CCDC154: variants seen among roughly 807,000 people sequenced by gnomAD.
CCDC154 encodes coiled-coil domain-containing protein 154.
A neutral mutation model predicts 87.5 loss-of-function variants in CCDC154; 91 were observed. That is an observed-to-expected ratio of 1.04 (90% confidence interval 0.88 to 1.24). The LOEUF (loss-of-function observed/expected upper bound fraction) is 1.24, where lower values mean the gene tolerates loss of function less well. CCDC154 is among the 50% of genes most tolerant of loss of function. The pLI is 0.00. For synonymous variants in CCDC154, 418 were observed against 400.4 expected (o/e 1.04, Z -0.52); for missense variants, 903 against 879.2 (o/e 1.03, Z -0.34).
intron 6 of CCDC154, 60 bp downstream of exon 6, chr16:1,442,346 G>T: frequency 6.7e-7 from 1 of 1,495,472 alleles, no homozygotes. Flanking sequence ...AGGCCGAGAG[G>T]GTTAGGGTCT....
intron 11 of CCDC154, chr16:1,437,017 C>T (rs560614917): frequency 2.5e-5 from 17 of 690,268 alleles, no homozygotes; most frequent in Non-Finnish European, 2.8e-5. Context: ...CCTGGGCAGC[C>T]GAGGGCCCGT....
In CCDC154 at chr16:1,438,341, G is replaced by A. The variant is rs114768665; in HGVS notation, c.1026-165C>T. Reference sequence around the variant, plus strand: ...CACCAACACGGGTTCACTCCCCATGGCCACCAAGATGGGCGTTCACTCCCC... The same window carrying A: ...CACCAACACGGGTTCACTCCCCATGACCACCAAGATGGGCGTTCACTCCCC... On this transcript the variant is annotated intron_variant, in intron 9 of 16. Coordinates refer to ENST00000389176, the MANE Select transcript of CCDC154 (RefSeq NM_001143980.3). 2,209 of 914,966 alleles carry A rather than the reference G, an allele frequency of 2.4e-3. 40 individuals carry two copies. In the African/African-American group the frequency reaches 0.034, roughly 14 times the overall value. 56.7% of individuals were successfully genotyped at this position (914,966 alleles called of 1,614,324 possible).
chr16:1,435,940 C>CA, intron 14 of CCDC154, 29 bp downstream of exon 14: 2 of 1,532,280 alleles, frequency 1.3e-6, no homozygotes, highest in South Asian at 1.2e-5. Flanking sequence ...CCCTCTCTCC[C>CA]AGCTGGGTGC....
Position 1,439,127 on chromosome 16 carries a change from C to T in CCDC154, c.676-1G>A, listed in dbSNP as rs1173640934. On this transcript the variant is annotated splice_acceptor_variant, in intron 6 of 16. Transcript: ENST00000389176. LOFTEE classifies it high-confidence loss of function. ...CTTCGCCGAGCTTGGTCACCTGGGC[C>T]TGGGGCGGAGGCACATTGTCCCGTG... 1 of 1,549,906 alleles carries T rather than the reference C, an allele frequency of 6.5e-7. No individual in the cohort carries two copies. Among genetic ancestry groups the T allele is most frequent in the Non-Finnish European group, 8.7e-7 (1 of 1,146,794 alleles).
At chr16:1,439,696 C>T (rs1193245394) in intron 6 of CCDC154, among the ~76,000 whole-genome samples, 2 of 152,214 alleles carry the variant, frequency 1.3e-5, no homozygotes, top group Non-Finnish European at 2.9e-5. Context: ...CCTCCTGCCC[C>T]CCAGGAGGTC....
Position 1,441,575 on chromosome 16 carries a change from G to A in CCDC154, c.675+831C>T, listed in dbSNP as rs571594861. Among the ~76,000 whole-genome samples, 7 of 152,312 alleles carry A rather than the reference G, an allele frequency of 4.6e-5. No homozygotes were observed. The East Asian group carries it at 1.2e-3, about 25-fold the overall frequency. On this transcript the variant is annotated intron_variant, in intron 6 of 16. Transcript: ENST00000389176. Reference sequence around the variant, plus strand: ...GTGGGACCCTGGCTTCTAGGAACTCGTGTCCTCGAGGAAGGTGAACTCCGC... The same window carrying A: ...GTGGGACCCTGGCTTCTAGGAACTCATGTCCTCGAGGAAGGTGAACTCCGC...
At chr16:1,435,046 C>G in intron 15 of CCDC154, 43 bp downstream of exon 15, 1 of 1,522,624 alleles carries the variant, frequency 6.6e-7, no homozygotes, top group Non-Finnish European at 8.9e-7. Context: ...GCTGAGGGAG[C>G]GGGTGGGAGC....
At chr16:1,442,375 C>A (rs942544589) in intron 6 of CCDC154, 31 bp downstream of exon 6, 3 of 1,526,506 alleles carry the variant, frequency 2.0e-6, no homozygotes, top group Non-Finnish European at 2.6e-6. Flanking sequence ...GCCCTCTGGG[C>A]GGCCCCCCTG....
At chr16:1,439,272 C>A (rs2038530216) in intron 6 of CCDC154, 146 bp from the exon 7 acceptor site, 5 of 708,018 alleles carry the variant, frequency 7.1e-6, no homozygotes, top group Non-Finnish European at 1.2e-5. Flanking sequence ...ACACCCTCAG[C>A]CGGAAGAAAG....
At chr16:1,444,165 C>A in intron 1 of CCDC154, 151 bp downstream of exon 1, 1 of 1,040,132 alleles carries the variant, frequency 9.6e-7, no homozygotes. Flanking sequence ...GGGCTTGGCT[C>A]AGACAAGTCC....
chr16:1,438,689 G>C lies in CCDC154; in HGVS notation c.955C>G (p.Gln319Glu), dbSNP rs1461949725. Residue 319 changes from glutamine to glutamate, a missense_variant, in exon 9 of 17, where the codon CAG becomes GAG. By Grantham distance (29) the Gln-to-Glu change is conservative. Transcript: ENST00000389176. ...TTCTGCTGCACAAACTTGGTCAGCTGGGCCACGGCAGCATCCAGGCCCTGG... is the reference window on the plus strand; with the variant it reads ...TTCTGCTGCACAAACTTGGTCAGCTCGGCCACGGCAGCATCCAGGCCCTGG... ...QCQGLDAAVA[Q>E]LTKFVQQNQA... 1.9e-6 allele frequency: 3 copies of C among 1,550,102 alleles called. No homozygotes were observed. The highest frequency in any genetic ancestry group is 3.9e-5 in the Admixed American group (2 of 50,994).
At chr16:1,442,775 G>A (rs1046795560) in intron 5 of CCDC154, 105 bp downstream of exon 5, 4 of 1,233,404 alleles carry the variant, frequency 3.2e-6, no homozygotes, top group Non-Finnish European at 4.5e-6. Flanking sequence ...GCCCCGCCGG[G>A]TTACTGGGGA....
At chr16:1,441,327 C>T (rs555544378) in intron 6 of CCDC154, among the ~76,000 whole-genome samples, 290 of 152,328 alleles carry the variant, frequency 1.9e-3, no homozygotes, top group Middle Eastern at 6.8e-3. Flanking sequence ...CTGCCGGCTC[C>T]GGGCAGTGGA....
In CCDC154 at chr16:1,442,488, C is replaced by T. The variant is rs1234264838; in HGVS notation, c.593G>A (p.Gly198Asp). The T allele has an allele frequency of 6.5e-7, 1 of 1,549,524 alleles. No homozygotes were observed. The highest frequency in any genetic ancestry group is 1.2e-5 in the South Asian group (1 of 83,948). ...CAGGGCGCCGCAGGCCACCTCCCGG[C>T]CCTGCTCCTCCTGCTGCAGCAAGTC... ...LTDLLQQEEQ[G>D]REVACGALQK... The change falls in exon 6 of 17, where the codon GGC becomes GAC. Residue 198 changes from glycine to aspartate, a missense_variant. Transcript: ENST00000389176.
intron 4 of CCDC154, 111 bp from the exon 5 acceptor site, chr16:1,443,086 C>T: frequency 2.1e-6 from 3 of 1,404,818 alleles, no homozygotes; most frequent in Non-Finnish European, 2.0e-6. Flanking sequence ...TTTCCTGGGC[C>T]TCTGAAGGCC....
chr16:1,441,758 C>T (rs4786409), intron 6 of CCDC154, among the ~76,000 whole-genome samples: 1 of 151,438 alleles, frequency 6.6e-6, no homozygotes, highest in South Asian at 2.1e-4. Flanking sequence ...TCTGCAGCTG[C>T]CGGCCCCACG....
Position 1,436,512 on chromosome 16 carries a change from C to G in CCDC154, c.1420G>C (p.Val474Leu). 1 of 1,549,128 alleles carries G rather than the reference C, an allele frequency of 6.5e-7. No individual in the cohort carries two copies. The highest frequency in any genetic ancestry group is 8.7e-7 in the Non-Finnish European group (1 of 1,146,946). The change falls in exon 13 of 17, where the codon GTC (valine) becomes CTC (leucine). Residue 474 changes from valine to leucine, a missense_variant. Physicochemically the swap from Val to Leu is conservative, Grantham distance 32 (BLOSUM62 1). Coordinates refer to ENST00000389176, the MANE Select transcript of CCDC154 (RefSeq NM_001143980.3). Reference protein sequence around the residue: ...VDGLPQQIESVSDKCLLHKSD... With the variant: ...VDGLPQQIESLSDKCLLHKSD... ...TTATGAAGCAGGCACTTGTCGGAGA[C>G]ACTCTCTATCTGAACACAGAGCCGG...
intron 14 of CCDC154, among the ~76,000 whole-genome samples, 152 bp downstream of exon 14, chr16:1,435,817 C>T (rs777709033): frequency 2.6e-5 from 4 of 152,174 alleles, no homozygotes; most frequent in Non-Finnish European, 2.9e-5. Context: ...TAAGCCACCC[C>T]GCCTGGCCTC....
At chr16:1,442,123 G>A (rs1006828709) in intron 6 of CCDC154, among the ~76,000 whole-genome samples, 23 of 151,764 alleles carry the variant, frequency 1.5e-4, no homozygotes, top group Admixed American at 1.2e-3. Flanking sequence ...TCACCATGTT[G>A]GCCAGGCTGG....
Sources: gnomAD v4.1 joint callset for allele counts (sites outside exome capture counted in the v4.1 genomes callset) on GRCh38, gnomAD v4.1.1 for gene constraint, MANE v1.5 for transcripts, NCBI Gene and HGNC (gene_info 2026-07-23, HGNC 2026-07-21) for gene names.